The following SORCS1 variants were observed in gnomAD, a reference collection of about 807,000 sequenced individuals.
The protein encoded by SORCS1 is VPS10 domain-containing receptor SorCS1.
Under a neutral mutation model 146.1 loss-of-function variants are expected in SORCS1, and 60 were observed. The ratio of observed to expected loss-of-function variants is 0.41; its 90% CI spans 0.33 to 0.51. The LOEUF is 0.51. Among genes scored for constraint, SORCS1 ranks in the 20% least tolerant of loss-of-function variants. The pLI, the probability that SORCS1 is intolerant of heterozygous loss-of-function variation, is 0.21. For synonymous variants in SORCS1, 637 were observed against 584.0 expected (o/e 1.09, Z -1.31); for missense variants, 1,352 against 1,487.6 (o/e 0.91, Z 1.50).
chr10:106,888,961 C>T (rs1402114489), intron 2 of SORCS1, among the ~76,000 whole-genome samples: 2 of 152,030 alleles, frequency 1.3e-5, no homozygotes, highest in African/African-American at 4.8e-5. Flanking sequence ...GTTTATGTGA[C>T]ACAAAAAACT....
At chr10:107,009,166 A>C (rs995887443) in intron 1 of SORCS1, among the ~76,000 whole-genome samples, 5 of 152,230 alleles carry the variant, frequency 3.3e-5, no homozygotes, top group Non-Finnish European at 7.3e-5. Context: ...TACATGATCA[A>C]GTATGGCAAA....
intron 5 of SORCS1, among the ~76,000 whole-genome samples, chr10:106,733,534 TC>T (rs1856757133): frequency 6.6e-6 from 1 of 152,188 alleles, no homozygotes; most frequent in South Asian, 2.1e-4. Flanking sequence ...CCAAATGATA[TC>T]ATTACTCTAG....
At chr10:106,946,264 A>G (rs11193127) in intron 2 of SORCS1, among the ~76,000 whole-genome samples, 70,648 of 152,100 alleles carry the variant, frequency 0.46, 18,283 homozygotes, top group Non-Finnish European at 0.58. Context: ...TATTTTGGGT[A>G]TGAACCAAAT....
intron 1 of SORCS1, among the ~76,000 whole-genome samples, chr10:107,010,120 CCT>C (rs1957633339): frequency 6.6e-6 from 1 of 152,208 alleles, no homozygotes; most frequent in South Asian, 2.1e-4. Flanking sequence ...ATCCACAACA[CCT>C]GTTTTCAAAT....
intron 12 of SORCS1, among the ~76,000 whole-genome samples, chr10:106,678,813 C>T (rs1309611824): frequency 1.3e-5 from 2 of 152,154 alleles, no homozygotes; most frequent in Non-Finnish European, 2.9e-5. Context: ...AGAACACCAC[C>T]TGGGTAATGG....
At chr10:107,107,409 GA>G (rs2134426554) in intron 1 of SORCS1, among the ~76,000 whole-genome samples, 1 of 152,320 alleles carries the variant, frequency 6.6e-6, no homozygotes, top group East Asian at 1.9e-4. Context: ...AGATAACTTG[GA>G]TGAATGGATT....
intron 2 of SORCS1, among the ~76,000 whole-genome samples, chr10:106,841,689 G>C (rs1949050524): frequency 6.6e-6 from 1 of 152,064 alleles, no homozygotes; most frequent in Admixed American, 6.6e-5. Flanking sequence ...ACAGCATCTA[G>C]CCTGTTCAGA....
At chr10:106,918,150 A>C (rs6584770) in intron 2 of SORCS1, among the ~76,000 whole-genome samples, 150,070 of 152,224 alleles carry the variant, frequency 0.99, 74,009 homozygotes, top group East Asian at 1. Context: ...AGAACCCAAG[A>C]AAAGACATTT....
intron 3 of SORCS1, among the ~76,000 whole-genome samples, chr10:106,822,808 T>C (rs1948119436): frequency 6.9e-6 from 1 of 144,940 alleles, no homozygotes; most frequent in South Asian, 2.3e-4. Context: ...TTTTTGAATA[T>C]TGCTCTGTTG....
chr10:107,055,304 T>G (rs933817779), intron 1 of SORCS1, among the ~76,000 whole-genome samples: 1 of 152,162 alleles, frequency 6.6e-6, no homozygotes, highest in Non-Finnish European at 1.5e-5. Context: ...AGCCAGAATT[T>G]AGAAGAGAAG....
At chr10:106,623,614 G>A (rs927552283) in intron 19 of SORCS1, among the ~76,000 whole-genome samples, 5 of 151,934 alleles carry the variant, frequency 3.3e-5, no homozygotes, top group African/African-American at 7.2e-5. Context: ...TGAAAAATTC[G>A]AATCTTGTTA....
chr10:106,736,206 A>G (rs759952876), intron 5 of SORCS1, among the ~76,000 whole-genome samples: 46 of 152,338 alleles, frequency 3.0e-4, no homozygotes, highest in Middle Eastern at 3.4e-3. Flanking sequence ...CTGAGTTTAT[A>G]CCAGCTTAAT....
At chr10:106,634,866 A>G (rs1056685383) in intron 18 of SORCS1, among the ~76,000 whole-genome samples, 6 of 152,232 alleles carry the variant, frequency 3.9e-5, no homozygotes, top group African/African-American at 1.4e-4. Flanking sequence ...CTCAAAAGAA[A>G]TCATTTCTGA....
chr10:107,055,194 G>A (rs1046805206), intron 1 of SORCS1, among the ~76,000 whole-genome samples: 1 of 152,176 alleles, frequency 6.6e-6, no homozygotes, highest in Non-Finnish European at 1.5e-5. Flanking sequence ...GTTTCTTCTA[G>A]TTTATTTTGC....
intron 5 of SORCS1, among the ~76,000 whole-genome samples, chr10:106,743,488 G>A (rs55953342): frequency 0.22 from 33,183 of 151,974 alleles, 4,474 homozygotes; most frequent in East Asian, 0.49. Flanking sequence ...GCAATGGTGC[G>A]ATCTCAGCTC....
chr10:106,938,274 T>A (rs1466830046), intron 2 of SORCS1, among the ~76,000 whole-genome samples: 3 of 152,210 alleles, frequency 2.0e-5, no homozygotes, highest in Non-Finnish European at 1.5e-5. Context: ...ATCAAGTTGA[T>A]GTTTGTCATT....
intron 1 of SORCS1, among the ~76,000 whole-genome samples, chr10:106,996,214 G>T (rs550656662): frequency 2.2e-5 from 3 of 139,370 alleles, no homozygotes; most frequent in Non-Finnish European, 4.5e-5. Context: ...GCGACAGAGC[G>T]AGACTCCATC....
intron 1 of SORCS1, among the ~76,000 whole-genome samples, chr10:106,962,394 C>CAAAAAAAAAAAAAAAAAA (rs60616146): frequency 4.8e-5 from 3 of 62,584 alleles, no homozygotes; most frequent in African/African-American, 1.3e-4. Context: ...AACTCCATCT[C>CAAAAAAAAAAAAAAAAAA]AAAAAAAAAA....
chr10:106,936,361 G>A (rs529539890), intron 2 of SORCS1, among the ~76,000 whole-genome samples: 8 of 152,304 alleles, frequency 5.3e-5, no homozygotes, highest in African/African-American at 1.9e-4. Flanking sequence ...GAAATGCAGT[G>A]AAGAGCTACT....
Sources: allele counts gnomAD v4.1 joint callset (sites outside exome capture counted in the v4.1 genomes callset), GRCh38; gene constraint gnomAD v4.1.1; transcripts MANE v1.5; gene names NCBI Gene and HGNC (gene_info 2026-07-23, HGNC 2026-07-21).